Variants in CLTB observed in about 807,000 individuals in gnomAD.
CLTB encodes the protein clathrin, light chain (Lcb).
In CLTB, 10 loss-of-function variants were observed where a neutral mutation model predicts 30.5. The ratio of observed to expected loss-of-function variants is 0.33; its 90% CI spans 0.20 to 0.56. CLTB has a LOEUF of 0.56. CLTB is among the 20% of genes least tolerant of loss of function. CLTB has a pLI of 0.91. For synonymous variants in CLTB, 102 were observed against 120.3 expected (o/e 0.85, Z 1.00); for missense variants, 261 against 308.3 (o/e 0.85, Z 1.15).
At chr5:176,406,798 C>G (rs937030351) in intron 2 of CLTB, 36 of 1,033,698 alleles carry the variant, frequency 3.5e-5, no homozygotes, top group Non-Finnish European at 4.0e-5. Context: ...TTCTCCTCCC[C>G]CTGCAGGTGC....
intron 1 of CLTB, 61 bp from the exon 2 acceptor site, chr5:176,410,364 G>C: frequency 6.7e-7 from 1 of 1,484,160 alleles, no homozygotes; most frequent in Non-Finnish European, 9.4e-7. Flanking sequence ...GCAGGAAATG[G>C]TCCTACATTA....
chr5:176,407,994 AC>A (rs1364382797), intron 2 of CLTB, among the ~76,000 whole-genome samples: 1 of 151,938 alleles, frequency 6.6e-6, no homozygotes, highest in Non-Finnish European at 1.5e-5. Context: ...ACAGCCAAAG[AC>A]CCCAGGATCA....
chr5:176,396,408 G>A (rs1179202140), intron 5 of CLTB, 71 bp downstream of exon 5: 4 of 1,328,342 alleles, frequency 3.0e-6, no homozygotes, highest in African/African-American at 2.9e-5. Context: ...CCCACAAGCA[G>A]GAAACTCAAG....
chr5:176,409,516 T>C (rs1757316281), intron 2 of CLTB, among the ~76,000 whole-genome samples: 1 of 148,992 alleles, frequency 6.7e-6, no homozygotes, highest in South Asian at 2.1e-4. Context: ...TGGGTTCAAG[T>C]GATTCTCCTG....
chr5:176,396,149 C>T (rs1006590503), intron 5 of CLTB, among the ~76,000 whole-genome samples: 3 of 152,108 alleles, frequency 2.0e-5, no homozygotes, highest in African/African-American at 4.8e-5. Flanking sequence ...AAACAAAAAA[C>T]CCTTCACCCC....
At chr5:176,395,822 G>T (rs1205454199) in intron 5 of CLTB, among the ~76,000 whole-genome samples, 1 of 152,120 alleles carries the variant, frequency 6.6e-6, no homozygotes, top group Non-Finnish European at 1.5e-5. Flanking sequence ...CCCATGCTCA[G>T]TGTCTGTTTT....
At chr5:176,406,898 C>A (rs1050321478) in intron 2 of CLTB, among the ~76,000 whole-genome samples, 1 of 152,182 alleles carries the variant, frequency 6.6e-6, no homozygotes, top group African/African-American at 2.4e-5. Flanking sequence ...GCAACAGAGT[C>A]GTAATGCAAA....
intron 3 of CLTB, 38 bp downstream of exon 3, chr5:176,397,892 A>G (rs758796930): frequency 2.4e-5 from 38 of 1,572,456 alleles, no homozygotes; most frequent in African/African-American, 2.0e-4. Flanking sequence ...CCCCACACAC[A>G]GCCCACCCAG....
chr5:176,398,183 A>C, intron 2 of CLTB, 136 bp from the exon 3 acceptor site: 1 of 728,390 alleles, frequency 1.4e-6, no homozygotes, highest in Admixed American at 2.2e-5. Flanking sequence ...TGGTGACTAC[A>C]CCTATCTTTG....
At chr5:176,404,491 G>T (rs1211562932) in intron 2 of CLTB, among the ~76,000 whole-genome samples, 2 of 152,202 alleles carry the variant, frequency 1.3e-5, no homozygotes, top group Non-Finnish European at 2.9e-5. Context: ...CCCACAGCCA[G>T]CCAGCTGGGA....
chr5:176,410,224 T>C, intron 2 of CLTB, 33 bp downstream of exon 2: 1 of 1,605,914 alleles, frequency 6.2e-7, no homozygotes, highest in East Asian at 2.2e-5. Flanking sequence ...GGGCTGTTGG[T>C]CCTTACCACT....
chr5:176,414,125 T>A (rs1265850231), intron 1 of CLTB, among the ~76,000 whole-genome samples: 1 of 152,158 alleles, frequency 6.6e-6, no homozygotes, highest in Non-Finnish European at 1.5e-5. Flanking sequence ...GTTCTCACAA[T>A]GGCTCCCCTC....
intron 2 of CLTB, among the ~76,000 whole-genome samples, chr5:176,405,408 A>T (rs1369426580): frequency 6.6e-6 from 1 of 151,340 alleles, no homozygotes; most frequent in African/African-American, 2.4e-5. Flanking sequence ...AGGATCACTT[A>T]AGCCCAAGAC....
At chr5:176,414,654 G>T (rs753514855) in intron 1 of CLTB, among the ~76,000 whole-genome samples, 1 of 152,064 alleles carries the variant, frequency 6.6e-6, no homozygotes, top group Non-Finnish European at 1.5e-5. Flanking sequence ...TGTTGCCCAG[G>T]CTCCACAGCA....
chr5:176,414,918 A>T (rs550930291), intron 1 of CLTB, among the ~76,000 whole-genome samples: 1 of 152,362 alleles, frequency 6.6e-6, no homozygotes, highest in African/African-American at 2.4e-5. Context: ...GTAAACGTTG[A>T]ATGGATACAA....
chr5:176,397,710 A>G lies in CLTB; in HGVS notation c.361T>C (p.Ser121Pro). ...CGCCATTCCTGTTCCGTGACCTTAG[A>G]TGCAGCATCTAGGACCCCACAAGAG... Reference protein sequence around the residue: ...RKRLQELDAASKVTEQEWREK... With the variant: ...RKRLQELDAAPKVTEQEWREK... Residue 121 changes from serine to proline, a missense_variant, in exon 4 of 6, where the codon TCT (serine) becomes CCT (proline). Physicochemically the swap from Ser to Pro is moderately conservative, Grantham distance 74. Transcript: ENST00000310418. 6.2e-7 allele frequency: 1 copy of G among 1,613,526 alleles called. No individual in the cohort carries two copies. Among genetic ancestry groups the G allele is most frequent in the Non-Finnish European group, 8.5e-7 (1 of 1,179,786 alleles).
At position 176,416,406 on chromosome 5, in the gene CLTB, G is replaced by C; in HGVS notation, c.-43C>G. ...CGGAGCCTCCGCTGCGCTCGGCTCT[G>C]CCCGCGCCTGCCCCGCGCTGCGTCC... is the stretch of plus-strand genomic sequence containing the variant. On this transcript the variant is annotated 5_prime_UTR_variant, in exon 1 of 6. Coordinates refer to ENST00000310418, the MANE Select transcript of CLTB (RefSeq NM_007097.5). 1 of 1,471,836 alleles carries C rather than the reference G, an allele frequency of 6.8e-7. No individual in the cohort carries two copies. Among genetic ancestry groups the C allele is most frequent in the Non-Finnish European group, 9.0e-7 (1 of 1,113,308 alleles). 91.2% of individuals were successfully genotyped at this position (1,471,836 alleles called of 1,614,324 possible).
chr5:176,406,678 T>C, intron 2 of CLTB: 1 of 1,288,590 alleles, frequency 7.8e-7, no homozygotes, highest in East Asian at 5.6e-5. Flanking sequence ...GGCAACTGGG[T>C]TTGTAGCTGG....
intron 2 of CLTB, chr5:176,401,604 G>A (rs1756819767): frequency 2.5e-6 from 1 of 395,342 alleles, no homozygotes; most frequent in African/African-American, 2.1e-5. Flanking sequence ...ACATCCACAT[G>A]GCATCGAGAC....
Sources: gnomAD v4.1 joint callset for allele counts (sites outside exome capture counted in the v4.1 genomes callset) on GRCh38, gnomAD v4.1.1 for gene constraint, MANE v1.5 for transcripts, NCBI Gene and HGNC (gene_info 2026-07-23, HGNC 2026-07-21) for gene names.